Variants in HECW2 observed in about 807,000 individuals in gnomAD.
The protein encoded by HECW2 is E3 ubiquitin-protein ligase HECW2.
HECW2 carries 61 observed loss-of-function variants against 175.2 expected under a neutral mutation model. The observed-to-expected ratio is 0.35, with a 90% CI of 0.28 to 0.43. HECW2 has a LOEUF of 0.43. Ranked by LOEUF, HECW2 falls within the 20% of genes least tolerant of loss-of-function variation. The probability of loss-of-function intolerance (pLI) is 1.00; values close to 1 mark genes in which losing one functional copy is unlikely to be tolerated. For missense variants in HECW2, 1,524 were observed against 2,000.5 expected, an observed-to-expected ratio of 0.76 and a Z score of 4.54; for synonymous variants, 671 against 731.0, an observed-to-expected ratio of 0.92 and a Z score of 1.32.
chr2:196,397,006 G>A (rs1239226064), intron 2 of HECW2, among the ~76,000 whole-genome samples: 6 of 152,074 alleles, frequency 3.9e-5, no homozygotes, highest in African/African-American at 1.2e-4. Context: ...CCACCTACTC[G>A]GGAAGCTGAG....
chr2:196,480,420 C>G (rs1366436214), intron 1 of HECW2, among the ~76,000 whole-genome samples: 1 of 152,192 alleles, frequency 6.6e-6, no homozygotes, highest in Admixed American at 6.5e-5. Flanking sequence ...AACTCTCAGT[C>G]CATTAAAATT....
rs974214244 is a variant in HECW2, at chr2:196,334,513, T to C, written c.406A>G (p.Ile136Val). ...TGGTAATATTTAAAACAGATTTTTA[T>C]CTCCGCTGCAAAGCAATTGGAGAAA... ...EPGPYFMEPE[I>V]KICFKYYHGI... is the part of the protein sequence containing the mutation. The change falls in exon 4 of 29, where the codon ATA (isoleucine) becomes GTA (valine). Residue 136 changes from isoleucine (I) to valine (V), a missense_variant. Around this residue, in one of 11 missense-constraint regions of HECW2, gnomAD observed 135 missense variants for 214.6 expected, o/e 0.63. Coordinates refer to ENST00000644978, the MANE Select transcript of HECW2 (RefSeq NM_001348768.2). 6.3e-7 allele frequency: 1 copy of C among 1,596,522 alleles called. No individual in the cohort carries two copies. The highest frequency in any genetic ancestry group is 8.5e-7 in the Non-Finnish European group (1 of 1,171,028).
chr2:196,325,022 A>G lies in HECW2; in HGVS notation c.699T>C (p.Ser233=), dbSNP rs1285894356. The part of the protein sequence containing the change: ...TCAHHGQERR[S]TIISNTTNPI... ...GATTGGTGGTGTTACTGATGATAGT[A>G]GACCGTCTCTCCTGCCCGTGGTGGG... Residue 233 remains serine (S), a synonymous_variant, in exon 6 of 29, where the codon TCT becomes TCC. Transcript: ENST00000644978. 45 of 1,605,622 alleles carry G rather than the reference A, an allele frequency of 2.8e-5. No individual in the cohort carries two copies. The highest frequency in any genetic ancestry group is 3.6e-5 in the Non-Finnish European group (42 of 1,177,522).
At chr2:196,415,987 T>A (rs1423520305) in intron 2 of HECW2, among the ~76,000 whole-genome samples, 1 of 152,242 alleles carries the variant, frequency 6.6e-6, no homozygotes, top group Non-Finnish European at 1.5e-5. Context: ...GGGTTCTAGT[T>A]GTAATTTCTC....
At chr2:196,471,920 C>A (rs1292918026) in intron 1 of HECW2, among the ~76,000 whole-genome samples, 2 of 149,826 alleles carry the variant, frequency 1.3e-5, no homozygotes, top group Non-Finnish European at 3.0e-5. Context: ...CCCCATGGCA[C>A]ACAGCTTACC....
chr2:196,274,174 A>G (rs1252412352), intron 15 of HECW2, 51 bp from the exon 16 acceptor site: 3 of 1,371,638 alleles, frequency 2.2e-6, no homozygotes, highest in East Asian at 2.3e-5. Context: ...AGAATGCTCT[A>G]TATCAGCATC....
intron 1 of HECW2, among the ~76,000 whole-genome samples, chr2:196,515,524 C>G (rs1421082036): frequency 6.6e-6 from 1 of 152,200 alleles, no homozygotes; most frequent in African/African-American, 2.4e-5. Context: ...ACATGTGGCA[C>G]AGGCTGCATG....
chr2:196,313,991 T>C (rs1691597427), intron 10 of HECW2, among the ~76,000 whole-genome samples: 1 of 151,974 alleles, frequency 6.6e-6, no homozygotes, highest in Non-Finnish European at 1.5e-5. Context: ...AGCCCAGGAG[T>C]TTGAGGCCGC....
chr2:196,393,545 A>C (rs1303121194), intron 2 of HECW2, among the ~76,000 whole-genome samples: 1 of 152,264 alleles, frequency 6.6e-6, no homozygotes, highest in Non-Finnish European at 1.5e-5. Context: ...CAACAGACAC[A>C]CGAAAAAATG....
chr2:196,364,982 A>T (rs567470615), intron 2 of HECW2, among the ~76,000 whole-genome samples: 3 of 152,204 alleles, frequency 2.0e-5, no homozygotes, highest in Non-Finnish European at 4.4e-5. Context: ...CTTAAGAATG[A>T]AGGAATGGAA....
intron 1 of HECW2, chr2:196,592,848 C>G (rs1245618540): frequency 2.7e-5 from 4 of 150,264 alleles, no homozygotes; most frequent in Admixed American, 6.6e-5. Flanking sequence ...CAAAGTCGCC[C>G]GGACCCGCGG....
chr2:196,295,777 C>T (rs1343346767), intron 13 of HECW2, among the ~76,000 whole-genome samples: 2 of 152,146 alleles, frequency 1.3e-5, no homozygotes, highest in African/African-American at 4.8e-5. Context: ...TGAAGTAATT[C>T]CCTGGGGCTG....
At chr2:196,306,706 G>C (rs1691279237) in intron 12 of HECW2, 94 bp from the exon 13 acceptor site, 3 of 1,240,704 alleles carry the variant, frequency 2.4e-6, no homozygotes, top group Non-Finnish European at 3.3e-6. Flanking sequence ...AAGAATCATA[G>C]GATACCTACA....
rs1278649925 is a variant in HECW2, at chr2:196,285,940, G to A, written c.3000+6625C>T. 3.3e-5 allele frequency among the ~76,000 whole-genome samples: 5 copies of A among 152,148 alleles called. 1 individual carries two copies. Among genetic ancestry groups the A allele is most frequent in the South Asian group, 4.1e-4 (2 of 4,836 alleles). On this transcript the variant is annotated intron_variant, in intron 14 of 28. Transcript: ENST00000644978. Reference sequence around the variant, plus strand: ...TTGGGCCAGAGTCCCAAAAACAGTCGGTTAGTAGATGTGGACAAGCACAAT... The same window carrying A: ...TTGGGCCAGAGTCCCAAAAACAGTCAGTTAGTAGATGTGGACAAGCACAAT...
chr2:196,546,571 T>C (rs1043818075), intron 1 of HECW2, among the ~76,000 whole-genome samples: 2 of 152,206 alleles, frequency 1.3e-5, no homozygotes, highest in East Asian at 1.9e-4. Context: ...TTTTAACCTT[T>C]GCAAAATGTA....
intron 19 of HECW2, among the ~76,000 whole-genome samples, chr2:196,244,883 T>C (rs1478402770): frequency 6.6e-6 from 1 of 152,220 alleles, no homozygotes; most frequent in Non-Finnish European, 1.5e-5. Flanking sequence ...TTTTAAAACC[T>C]AGCAGAGGAG....
chr2:196,243,892 TC>T (rs1193093740), intron 19 of HECW2, among the ~76,000 whole-genome samples: 1 of 152,118 alleles, frequency 6.6e-6, no homozygotes, highest in African/African-American at 2.4e-5. Context: ...TGTTCCTCTT[TC>T]CATAGAAAAA....
intron 1 of HECW2, among the ~76,000 whole-genome samples, chr2:196,479,883 G>C (rs1286362068): frequency 1.3e-5 from 2 of 152,144 alleles, no homozygotes; most frequent in Non-Finnish European, 2.9e-5. Flanking sequence ...CTCCTTCAGA[G>C]CATCCTGAAA....
intron 1 of HECW2, among the ~76,000 whole-genome samples, chr2:196,562,440 C>T (rs1158879834): frequency 2.6e-5 from 4 of 152,126 alleles, no homozygotes; most frequent in Admixed American, 2.0e-4. Flanking sequence ...TTTATTTAAA[C>T]TGTTTTCAAT....
Sources: gnomAD v4.1 joint callset for allele counts (sites outside exome capture counted in the v4.1 genomes callset) on GRCh38, gnomAD v4.1.1 for gene constraint, gnomAD v4.1.1 regional missense constraint, MANE v1.5 for transcripts, NCBI Gene and HGNC (gene_info 2026-07-23, HGNC 2026-07-21) for gene names.